Variants in PRKCA observed in about 807,000 individuals in gnomAD.
The protein encoded by PRKCA is protein kinase C alpha type.
In PRKCA, 27 loss-of-function variants were observed where a neutral mutation model predicts 87.0. That is an observed-to-expected ratio of 0.31 (90% CI 0.23 to 0.43). The LOEUF (loss-of-function observed/expected upper bound fraction) is 0.43. Among genes scored for constraint, PRKCA ranks in the 20% least tolerant of loss-of-function variants. PRKCA has a pLI of 1.00. For missense variants in PRKCA, 518 were observed against 852.3 expected (o/e 0.61, Z 4.88); for synonymous variants, 329 against 311.1 (o/e 1.06, Z -0.61).
At chr17:66,724,665 C>T (rs1018886197) in intron 8 of PRKCA, among the ~76,000 whole-genome samples, 1 of 152,250 alleles carries the variant, frequency 6.6e-6, no homozygotes, top group Non-Finnish European at 1.5e-5. Context: ...AGCAGGGCGT[C>T]TGGCCACGTT....
intron 3 of PRKCA, among the ~76,000 whole-genome samples, chr17:66,594,082 T>C (rs1969896727): frequency 6.6e-6 from 1 of 152,156 alleles, no homozygotes; most frequent in Non-Finnish European, 1.5e-5. Context: ...TGAAACTCCG[T>C]CTCAGAAAAA....
At chr17:66,612,728 GTTTT>G (rs760834125) in intron 3 of PRKCA, among the ~76,000 whole-genome samples, 1 of 142,706 alleles carries the variant, frequency 7.0e-6, no homozygotes. Context: ...TCTGTTGGAG[GTTTT>G]TTTTTTTTTG....
chr17:66,313,269 T>C (rs985733911), intron 2 of PRKCA, among the ~76,000 whole-genome samples: 11 of 152,354 alleles, frequency 7.2e-5, no homozygotes, highest in Admixed American at 6.5e-4. Context: ...TCTGCCTGGC[T>C]GCCTTTTCTA....
At chr17:66,631,587 CT>C (rs934482804) in intron 3 of PRKCA, among the ~76,000 whole-genome samples, 4 of 152,070 alleles carry the variant, frequency 2.6e-5, no homozygotes, top group African/African-American at 9.7e-5. Context: ...CCTAGCTTAT[CT>C]TTTTTTAATA....
At chr17:66,705,710 T>C (rs1598886105) in intron 8 of PRKCA, among the ~76,000 whole-genome samples, 1 of 152,120 alleles carries the variant, frequency 6.6e-6, no homozygotes, top group African/African-American at 2.4e-5. Flanking sequence ...GTACCAAGGG[T>C]GCCACCCTTC....
rs77215981 is a variant in PRKCA, at chr17:66,648,524, G to A, written c.529+3013G>A. On this transcript the variant is annotated intron_variant, in intron 5 of 16. Coordinates refer to ENST00000413366, the MANE Select transcript of PRKCA (RefSeq NM_002737.3). ...GGCTAAATATTTAAATGGCACATGCGGAGAGAAGATATTTTGATGACAGTT... is the reference window on the plus strand; with the variant it reads ...GGCTAAATATTTAAATGGCACATGCAGAGAGAAGATATTTTGATGACAGTT... Among the ~76,000 whole-genome samples the A allele has an allele frequency of 6.1e-3, 923 of 152,286 alleles. 3 individuals carry two copies. Among genetic ancestry groups the A allele is most frequent in the African/African-American group, 0.021 (884 of 41,546 alleles).
Position 66,706,919 on chromosome 17 carries a change from T to C in PRKCA, c.918+17872T>C, listed in dbSNP as rs142239875. On this transcript the variant is annotated intron_variant, in intron 8 of 16. Coordinates refer to ENST00000413366, the MANE Select transcript of PRKCA (RefSeq NM_002737.3). ...TGTGACCTCTGGGTTAATGGAATAA[T>C]AGGGTATTCAAACTGGGAGAGATGT... is the stretch of plus-strand genomic sequence containing the variant. Among the ~76,000 whole-genome samples, 13 of 152,278 alleles carry C rather than the reference T, an allele frequency of 8.5e-5. No homozygotes were observed. The East Asian group carries it at 2.5e-3, about 29-fold the overall frequency.
intron 3 of PRKCA, among the ~76,000 whole-genome samples, chr17:66,497,420 C>G (rs185100268): frequency 5.2e-4 from 79 of 151,720 alleles, no homozygotes; most frequent in African/African-American, 1.8e-3. Context: ...CATTTGAACC[C>G]GCGAGGCAGA....
chr17:66,652,238 C>T (rs1007490901), intron 5 of PRKCA, among the ~76,000 whole-genome samples: 1 of 152,124 alleles, frequency 6.6e-6, no homozygotes, highest in East Asian at 1.9e-4. Flanking sequence ...GGATTACAGG[C>T]GTGAGCCACC....
intron 10 of PRKCA, 112 bp from the exon 11 acceptor site, chr17:66,738,652 C>A: frequency 1.2e-6 from 1 of 813,708 alleles, no homozygotes; most frequent in Non-Finnish European, 2.1e-6. Flanking sequence ...AGCACATCTG[C>A]CCATGCAGTC....
intron 2 of PRKCA, among the ~76,000 whole-genome samples, chr17:66,367,127 T>A (rs765153918): frequency 1.4e-4 from 22 of 152,244 alleles, no homozygotes; most frequent in Non-Finnish European, 2.8e-4. Context: ...GGCCTCAATT[T>A]GCAAACAATT....
intron 2 of PRKCA, among the ~76,000 whole-genome samples, chr17:66,469,417 G>A (rs749395347): frequency 6.6e-6 from 1 of 152,096 alleles, no homozygotes; most frequent in Non-Finnish European, 1.5e-5. Context: ...AAATAAGATA[G>A]AAATAAATAA....
intron 3 of PRKCA, among the ~76,000 whole-genome samples, chr17:66,512,526 A>C (rs1371235259): frequency 6.6e-6 from 1 of 150,958 alleles, no homozygotes; most frequent in Non-Finnish European, 1.5e-5. Flanking sequence ...AAGGCCCATC[A>C]TGATTGTGAT....
intron 2 of PRKCA, among the ~76,000 whole-genome samples, chr17:66,370,228 C>CTT (rs35851942): frequency 0.47 from 52,504 of 111,182 alleles, 14,829 homozygotes; most frequent in Non-Finnish European, 0.58. Flanking sequence ...TATTTTGATA[C>CTT]TTTTTTTTTT....
chr17:66,491,489 C>G (rs939366480), intron 2 of PRKCA, among the ~76,000 whole-genome samples: 1 of 152,196 alleles, frequency 6.6e-6, no homozygotes, highest in Non-Finnish European at 1.5e-5. Flanking sequence ...AGTTGCCTTC[C>G]TTCTACCAAG....
intron 2 of PRKCA, among the ~76,000 whole-genome samples, chr17:66,341,842 C>G (rs927173436): frequency 6.6e-6 from 1 of 152,068 alleles, no homozygotes; most frequent in African/African-American, 2.4e-5. Flanking sequence ...ATCCTTATAC[C>G]TTTGCAGTTT....
intron 3 of PRKCA, among the ~76,000 whole-genome samples, chr17:66,530,909 A>C (rs1352212218): frequency 6.6e-6 from 1 of 152,138 alleles, no homozygotes; most frequent in East Asian, 1.9e-4. Context: ...TGGATTAAAC[A>C]GCCACCACCC....
intron 2 of PRKCA, among the ~76,000 whole-genome samples, chr17:66,408,786 G>A (rs1911573181): frequency 6.6e-6 from 1 of 152,036 alleles, no homozygotes; most frequent in African/African-American, 2.4e-5. Context: ...GGGCGCGGTG[G>A]CTTGCACCTG....
Position 66,798,480 on chromosome 17 carries a change from T to C in PRKCA, c.1855-5393T>C, listed in dbSNP as rs62070965. ...GTGGTGGTGGTGGTGGTGGTGGTGG[T>C]GGTGGTGACGGTGGTGGTGGTGGTG... On this transcript the variant is annotated intron_variant, in intron 16 of 16. Coordinates refer to ENST00000413366, the MANE Select transcript of PRKCA (RefSeq NM_002737.3). Among the ~76,000 whole-genome samples the C allele has an allele frequency of 2.7e-3, 140 of 52,036 alleles. 1 individual carries two copies. The highest frequency in any genetic ancestry group is 3.2e-3 in the Non-Finnish European group (87 of 27,304). 34.1% of individuals were successfully genotyped at this position (52,036 alleles called of 152,430 possible).
Sources: allele counts gnomAD v4.1 joint callset (sites outside exome capture counted in the v4.1 genomes callset), GRCh38; gene constraint gnomAD v4.1.1; transcripts MANE v1.5; gene names NCBI Gene and HGNC (gene_info 2026-07-23, HGNC 2026-07-21).